Variants in GRM5 observed in about 807,000 individuals in gnomAD.
GRM5 encodes glutamate metabotropic receptor 5, also known as metabotropic glutamate receptor 5.
A neutral mutation model predicts 83.1 loss-of-function variants in GRM5; 19 were observed. The ratio of observed to expected loss-of-function variants is 0.23; its 90% CI spans 0.16 to 0.34. The LOEUF (loss-of-function observed/expected upper bound fraction) is 0.34. Among genes scored for constraint, GRM5 ranks in the 10% least tolerant of loss-of-function variants. The pLI is 1.00. For missense variants in GRM5, 1,160 were observed against 1,588.3 expected (o/e 0.73, Z 4.58); for synonymous variants, 675 against 633.6 (o/e 1.07, Z -0.98).
At chr11:88,761,967 G>C (rs1942526895) in intron 3 of GRM5, among the ~76,000 whole-genome samples, 1 of 152,024 alleles carries the variant, frequency 6.6e-6, no homozygotes, top group South Asian at 2.1e-4. Context: ...TTCAATGAAT[G>C]GTACTGGGAT....
At chr11:88,822,049 C>T (rs151113146) in intron 3 of GRM5, among the ~76,000 whole-genome samples, 105 of 152,256 alleles carry the variant, frequency 6.9e-4, no homozygotes, top group African/African-American at 2.4e-3. Flanking sequence ...GAGATGATTA[C>T]TTTCCCAGAT....
intron 2 of GRM5, among the ~76,000 whole-genome samples, chr11:88,885,024 C>A (rs1447819317): frequency 6.6e-6 from 1 of 152,076 alleles, no homozygotes; most frequent in East Asian, 1.9e-4. Context: ...ACTGCCTTAA[C>A]TGAATTACTC....
chr11:88,873,840 AAC>A (rs1944808170), intron 2 of GRM5, among the ~76,000 whole-genome samples: 1 of 151,752 alleles, frequency 6.6e-6, no homozygotes, highest in Non-Finnish European at 1.5e-5. Flanking sequence ...CCAAACTAGT[AAC>A]AGAGTGAAGA....
chr11:88,967,394 G>A (rs1399567442), intron 2 of GRM5, among the ~76,000 whole-genome samples: 6 of 145,594 alleles, frequency 4.1e-5, no homozygotes, highest in South Asian at 2.2e-4. Flanking sequence ...AGAAAACCAC[G>A]GATAAATTAT....
At chr11:88,971,320 C>T (rs989921171) in intron 2 of GRM5, among the ~76,000 whole-genome samples, 6 of 152,026 alleles carry the variant, frequency 3.9e-5, no homozygotes, top group African/African-American at 7.2e-5. Flanking sequence ...GGCACATGTG[C>T]GGGTTTGACA....
chr11:89,061,883 G>A (rs1698954806), intron 1 of GRM5, among the ~76,000 whole-genome samples: 1 of 152,190 alleles, frequency 6.6e-6, no homozygotes, highest in Admixed American at 6.5e-5. Context: ...AAACCTCTAG[G>A]GGTGCAATTA....
chr11:88,745,940 G>A (rs1001222822), intron 3 of GRM5, among the ~76,000 whole-genome samples: 1 of 152,182 alleles, frequency 6.6e-6, no homozygotes, highest in Non-Finnish European at 1.5e-5. Context: ...GTCCGTCTGT[G>A]TCTTGGTTCC....
At position 88,776,258 on chromosome 11, in the gene GRM5, G is replaced by A. The variant is rs139787023; in HGVS notation, c.911+73648C>T. ...GTCTGTTTTATCATAGAATAGGATT[G>A]CAACCCCTGTTTTTTTTGCTTTCCA... On this transcript the variant is annotated intron_variant, in intron 3 of 9. Coordinates refer to ENST00000305447, the MANE Select transcript of GRM5 (RefSeq NM_001143831.3). Among the ~76,000 whole-genome samples the A allele has an allele frequency of 9.0e-3, 1,366 of 152,138 alleles. 28 individuals are homozygous for A. Among genetic ancestry groups the A allele is most frequent in the African/African-American group, 0.032 (1,313 of 41,532 alleles).
intron 8 of GRM5, among the ~76,000 whole-genome samples, chr11:88,563,247 A>G (rs1015777015): frequency 6.6e-6 from 1 of 152,214 alleles, no homozygotes; most frequent in African/African-American, 2.4e-5. Context: ...AAAGTGCCTT[A>G]TTCAAATTCA....
chr11:88,794,288 T>A (rs373143988), intron 3 of GRM5, among the ~76,000 whole-genome samples: 4 of 152,156 alleles, frequency 2.6e-5, no homozygotes, highest in African/African-American at 9.7e-5. Context: ...AGCCACTATT[T>A]GCACTAAATT....
At chr11:88,584,167 T>A (rs982136352) in intron 7 of GRM5, among the ~76,000 whole-genome samples, 4 of 151,104 alleles carry the variant, frequency 2.6e-5, no homozygotes, top group African/African-American at 7.3e-5. Flanking sequence ...ATAAAATCTA[T>A]ATTAAAAAAT....
intron 2 of GRM5, among the ~76,000 whole-genome samples, chr11:88,956,727 A>C (rs1938628427): frequency 6.6e-6 from 1 of 152,184 alleles, no homozygotes; most frequent in South Asian, 2.1e-4. Flanking sequence ...AAAGGCGTGA[A>C]CCCGGAAGGC....
intron 2 of GRM5, among the ~76,000 whole-genome samples, chr11:89,037,933 T>C (rs1941431853): frequency 6.6e-6 from 1 of 152,188 alleles, no homozygotes; most frequent in Non-Finnish European, 1.5e-5. Flanking sequence ...CCACAGGCTA[T>C]TTATGGCTAT....
At chr11:88,535,939 AAGAG>A (rs1418269077) in intron 8 of GRM5, among the ~76,000 whole-genome samples, 1 of 152,224 alleles carries the variant, frequency 6.6e-6, no homozygotes, top group Admixed American at 6.5e-5. Context: ...AGGAGCAAAA[AAGAG>A]AGAGATCGAT....
At chr11:88,517,543 C>G (rs1163564235) in intron 9 of GRM5, among the ~76,000 whole-genome samples, 1 of 152,256 alleles carries the variant, frequency 6.6e-6, no homozygotes, top group East Asian at 1.9e-4. Flanking sequence ...GAGCACTCAG[C>G]TTTGCTGAGT....
rs200575053 is a variant in GRM5, at chr11:88,508,430, G to C, written c.*162C>G. ...AAGATTTGTCGTCGGTTTCTTCGTC[G>C]GTTGTCATGAGATAGCACTACTGAT... On this transcript the variant is annotated 3_prime_UTR_variant, in exon 10 of 10. Coordinates refer to ENST00000305447, the MANE Select transcript of GRM5 (RefSeq NM_001143831.3). The surrounding 1 kb of genome is among the most constrained non-coding windows in gnomAD (Gnocchi z 4.2). The C allele has an allele frequency of 2.0e-6, 1 of 503,132 alleles. No homozygotes were observed. The highest frequency in any genetic ancestry group is 2.0e-5 in the African/African-American group (1 of 49,344). The allele number at this position is 503,132 out of a possible 1,614,324, so 31.2% of individuals were successfully genotyped here.
intron 2 of GRM5, among the ~76,000 whole-genome samples, chr11:88,931,750 T>C (rs184173972): frequency 1.8e-4 from 28 of 152,276 alleles, no homozygotes; most frequent in African/African-American, 6.5e-4. Flanking sequence ...ATTTCTTATT[T>C]ATATTGCCAT....
intron 3 of GRM5, among the ~76,000 whole-genome samples, chr11:88,721,517 G>A (rs1941539557): frequency 6.6e-6 from 1 of 152,090 alleles, no homozygotes; most frequent in Non-Finnish European, 1.5e-5. Flanking sequence ...ACAGTTTATA[G>A]CATTATCTTT....
chr11:88,939,409 C>T (rs567643641), intron 2 of GRM5, among the ~76,000 whole-genome samples: 1 of 151,648 alleles, frequency 6.6e-6, no homozygotes, highest in Non-Finnish European at 1.5e-5. Flanking sequence ...TATCATGGCT[C>T]CTGAAGATAA....
Sources: allele counts gnomAD v4.1 joint callset (sites outside exome capture counted in the v4.1 genomes callset), GRCh38; gene constraint gnomAD v4.1.1; non-coding constraint Gnocchi (gnomAD v3.1); transcripts MANE v1.5; gene names NCBI Gene and HGNC (gene_info 2026-07-23, HGNC 2026-07-21).